The following CD44 variants were observed in gnomAD, a reference collection of about 807,000 sequenced individuals.
CD44 encodes CD44 antigen.
In CD44, 49 loss-of-function variants were observed where a neutral mutation model predicts 88.8. The ratio of observed to expected loss-of-function variants is 0.55; its 90% CI spans 0.44 to 0.70. The LOEUF is 0.70. Among genes scored for constraint, CD44 ranks in the 30% least tolerant of loss-of-function variants. The probability of loss-of-function intolerance (pLI) is 0.00; values close to 1 mark genes in which losing one functional copy is unlikely to be tolerated. For missense variants in CD44, 883 were observed against 913.8 expected (o/e 0.97, Z 0.43); for synonymous variants, 325 against 312.3 (o/e 1.04, Z -0.43).
chr11:35,186,518 T>C (rs1417042255), intron 3 of CD44, among the ~76,000 whole-genome samples: 1 of 151,334 alleles, frequency 6.6e-6, no homozygotes, highest in Non-Finnish European at 1.5e-5. Context: ...AGGAGCCGTG[T>C]CTATCTTATT....
chr11:35,211,315 G>A lies in CD44; in HGVS notation c.1676G>A (p.Gly559Asp), dbSNP rs1258427571. 5 of 1,613,974 alleles carry A rather than the reference G, an allele frequency of 3.1e-6. No homozygotes were observed. In the South Asian group the frequency reaches 3.3e-5, roughly 11 times the overall value. Residue 559 changes from glycine (G) to aspartate (D), a missense_variant, in exon 14 of 18, where the codon GGT (glycine) becomes GAT (aspartate). By Grantham distance (94) the Gly-to-Asp change is moderately conservative (BLOSUM62 -1). Around this residue, in one of 2 missense-constraint regions of CD44, gnomAD observed 631 missense variants for 590.9 expected, o/e 1.07. Coordinates refer to ENST00000428726, the MANE Select transcript of CD44 (RefSeq NM_000610.4). ...HSEGSTTLLE[G>D]YTSHYPHTKE... ...GAAGGCTCAACTACTTTACTGGAAG[G>A]TTATACCTCTCATTACCCACACACG...
At chr11:35,179,479 T>A (rs139478830) in intron 2 of CD44, among the ~76,000 whole-genome samples, 30 of 152,304 alleles carry the variant, frequency 2.0e-4, no homozygotes, top group Admixed American at 1.2e-3. Context: ...TGTATCTGTA[T>A]GTCGTATCCA....
intron 15 of CD44, among the ~76,000 whole-genome samples, chr11:35,215,615 G>A (rs1026231364): frequency 1.3e-5 from 2 of 152,084 alleles, no homozygotes; most frequent in Non-Finnish European, 2.9e-5. Flanking sequence ...CAGGCACGGT[G>A]GCTCACACCT....
chr11:35,175,462 ATG>A (rs1164992496), intron 1 of CD44, among the ~76,000 whole-genome samples: 1 of 152,150 alleles, frequency 6.6e-6, no homozygotes, highest in Admixed American at 6.5e-5. Flanking sequence ...ATTTGTGTGT[ATG>A]TGTGTATGTG....
intron 7 of CD44, 28 bp downstream of exon 7, chr11:35,198,274 A>G: frequency 6.2e-7 from 1 of 1,608,304 alleles, no homozygotes; most frequent in South Asian, 1.1e-5. Flanking sequence ...CAGTACAGCC[A>G]TTTATGCAAG....
At chr11:35,180,205 T>C in intron 2 of CD44, 69 bp from the exon 3 acceptor site, 1 of 1,506,676 alleles carries the variant, frequency 6.6e-7, no homozygotes, top group Non-Finnish European at 9.2e-7. Context: ...TTAAATGTCA[T>C]TGAATGGGAT....
intron 1 of CD44, among the ~76,000 whole-genome samples, chr11:35,165,451 T>C (rs1943148461): frequency 6.6e-6 from 1 of 152,208 alleles, no homozygotes; most frequent in Admixed American, 6.5e-5. Context: ...GTACCTACCC[T>C]CTGGGCCTCA....
chr11:35,198,252 A>C lies in CD44; in HGVS notation c.922+6A>C. ...AGATTTTATCTCCAGCACCAGTAAG[A>C]ATAATCAATTACAGTACAGCCATTT... On this transcript the variant is annotated splice_donor_region_variant and intron_variant, in intron 7 of 17. Transcript: ENST00000428726. The C allele has an allele frequency of 6.2e-7, 1 of 1,613,690 alleles. No homozygotes were observed. The highest frequency in any genetic ancestry group is 1.3e-5 in the African/African-American group (1 of 75,058).
At position 35,201,653 on chromosome 11, in the gene CD44, T is replaced by C. The variant is rs1565122586; in HGVS notation, c.1037-18T>C. The C allele has an allele frequency of 5.0e-6, 8 of 1,613,260 alleles. No homozygotes were observed. Among genetic ancestry groups the C allele is most frequent in the African/African-American group, 1.3e-5 (1 of 75,010 alleles). ...GGTTGATAACAAGTCACAGTGTATT[T>C]AACCATCATCACAGCAGATGTAGAC... On this transcript the variant is annotated intron_variant, in intron 8 of 17. Coordinates refer to ENST00000428726, the MANE Select transcript of CD44 (RefSeq NM_000610.4).
intron 2 of CD44, 149 bp downstream of exon 2, chr11:35,176,889 A>C: frequency 1.5e-6 from 1 of 681,032 alleles, no homozygotes; most frequent in Non-Finnish European, 2.4e-6. Flanking sequence ...GTCAATCTGC[A>C]ACCTGTATGA....
rs2295757 is a variant in CD44, at chr11:35,214,676, A to G, written c.1811-176A>G. 10 of 402,088 alleles carry G rather than the reference A, an allele frequency of 2.5e-5. No individual in the cohort carries two copies. In the East Asian group the frequency reaches 3.6e-4, roughly 14 times the overall value. 24.9% of individuals were successfully genotyped at this position (402,088 alleles called of 1,614,324 possible). A position where few individuals can be genotyped will look rare whatever the true frequency, so the allele number is the denominator to read the frequency against. ...TAGCTCATTTATCAGTGGATTAAGC[A>G]ATGAACGGTAATTAACATTGTGGAC... On this transcript the variant is annotated intron_variant, in intron 14 of 17. Transcript: ENST00000428726.
At chr11:35,198,046 T>C in intron 6 of CD44, 75 bp from the exon 7 acceptor site, 1 of 1,527,262 alleles carries the variant, frequency 6.5e-7, no homozygotes, top group Non-Finnish European at 8.9e-7. Context: ...TTATACCTTC[T>C]GTGCCTGATT....
intron 1 of CD44, among the ~76,000 whole-genome samples, chr11:35,149,652 G>A (rs1188902795): frequency 6.6e-6 from 1 of 152,126 alleles, no homozygotes; most frequent in Non-Finnish European, 1.5e-5. Flanking sequence ...GATTCTAGTT[G>A]ATCTGTCAAG....
chr11:35,229,500 G>C lies in CD44; in HGVS notation c.*167G>C. The C allele has an allele frequency of 1.7e-6, 1 of 572,632 alleles. No individual in the cohort carries two copies. The highest frequency in any genetic ancestry group is 2.3e-5 in the South Asian group (1 of 43,726). The allele number at this position is 572,632 out of a possible 1,614,324, so 35.5% of individuals were successfully genotyped here. A position where few individuals can be genotyped will look rare whatever the true frequency, so the allele number is the denominator to read the frequency against. ...TTTTGTGTTTTGTTCTTTAAAGTCA[G>C]GTCCAATTTGTAAAAACAGCATTGC... On this transcript the variant is annotated 3_prime_UTR_variant, in exon 18 of 18. Transcript: ENST00000428726.
intron 1 of CD44, among the ~76,000 whole-genome samples, chr11:35,165,731 C>T (rs1346398362): frequency 6.6e-6 from 1 of 152,022 alleles, no homozygotes; most frequent in African/African-American, 2.4e-5. Flanking sequence ...CAAGGTGTGC[C>T]TGGGGGAGCT....
intron 6 of CD44, 122 bp downstream of exon 6, chr11:35,196,996 C>A: frequency 1.1e-6 from 1 of 949,156 alleles, no homozygotes; most frequent in Non-Finnish European, 1.6e-6. Context: ...TTCGTTATGA[C>A]TTCAGAAGGA....
chr11:35,210,290 T>C (rs954467163), intron 13 of CD44: 9 of 311,260 alleles, frequency 2.9e-5, no homozygotes, highest in Non-Finnish European at 4.1e-5. Context: ...CACTCTAGAG[T>C]TAGTGATTTG....
chr11:35,153,552 C>T (rs766933717), intron 1 of CD44, among the ~76,000 whole-genome samples: 11 of 152,198 alleles, frequency 7.2e-5, no homozygotes, highest in Non-Finnish European at 1.5e-4. Context: ...GTTCACTCAA[C>T]GCATACTAGT....
rs943540337 is a variant in CD44 at position 35,231,363 on chromosome 11, C to G, written c.*2030C>G. ...AGGACAAGGTTCAAAATGGTTACAA[C>G]AGCCTCTACCTGTCGCCCCAGGGAG... On this transcript the variant is annotated 3_prime_UTR_variant, in exon 18 of 18. Transcript: ENST00000428726. 6.6e-5 allele frequency: 10 copies of G among 152,192 alleles called. No individual in the cohort carries two copies. The highest frequency in any genetic ancestry group is 2.4e-4 in the African/African-American group (10 of 41,450). 9.4% of individuals were successfully genotyped at this position (152,192 alleles called of 1,614,324 possible). A position where few individuals can be genotyped will look rare whatever the true frequency, so the allele number is the denominator to read the frequency against.
Sources: allele counts gnomAD v4.1 joint callset (sites outside exome capture counted in the v4.1 genomes callset), GRCh38; gene constraint gnomAD v4.1.1; regional missense constraint gnomAD v4.1.1; transcripts MANE v1.5; gene names NCBI Gene and HGNC (gene_info 2026-07-23, HGNC 2026-07-21).